COL25A1: variants seen among roughly 807,000 people sequenced by gnomAD.
COL25A1 encodes the protein collagen alpha-1(XXV) chain.
COL25A1 carries 103 observed loss-of-function variants against 128.4 expected under a neutral mutation model. That is an observed-to-expected ratio of 0.80 (90% CI 0.68 to 0.94). The LOEUF is 0.94. Among genes scored for constraint, COL25A1 ranks in the 40% least tolerant of loss-of-function variants. COL25A1 has a pLI of 0.00. For missense variants in COL25A1, 745 were observed against 840.0 expected (o/e 0.89, Z 1.40); for synonymous variants, 279 against 277.2 (o/e 1.01, Z -0.06).
At chr4:109,283,332 G>C (rs1216687429) in intron 3 of COL25A1, among the ~76,000 whole-genome samples, 5 of 152,036 alleles carry the variant, frequency 3.3e-5, no homozygotes, top group Admixed American at 6.6e-5. Context: ...ATATAACCTC[G>C]AACTTCTGGG....
intron 36 of COL25A1, among the ~76,000 whole-genome samples, chr4:108,818,709 C>G (rs1035244104): frequency 2.6e-5 from 4 of 152,110 alleles, no homozygotes; most frequent in Non-Finnish European, 5.9e-5. Context: ...CTTTTATCAT[C>G]TTTAGAAGCT....
At chr4:108,961,695 T>C (rs1467983856) in intron 8 of COL25A1, among the ~76,000 whole-genome samples, 2 of 152,056 alleles carry the variant, frequency 1.3e-5, no homozygotes, top group African/African-American at 4.8e-5. Flanking sequence ...CATTCTGTAC[T>C]TCCTACCTCA....
At chr4:109,000,769 G>GC (rs374031508) in intron 6 of COL25A1, among the ~76,000 whole-genome samples, 3,175 of 53,434 alleles carry the variant, frequency 0.059, 35 homozygotes, top group East Asian at 0.19. Flanking sequence ...AAAAAAAAAA[G>GC]AAAAAACTAT....
At chr4:109,188,011 G>A (rs1396180144) in intron 3 of COL25A1, among the ~76,000 whole-genome samples, 1 of 152,178 alleles carries the variant, frequency 6.6e-6, no homozygotes, top group Admixed American at 6.5e-5. Flanking sequence ...AATGAAAAGT[G>A]AGAGTAAGGG....
intron 3 of COL25A1, among the ~76,000 whole-genome samples, chr4:109,195,205 C>G (rs953121882): frequency 1.5e-4 from 23 of 152,150 alleles, no homozygotes; most frequent in African/African-American, 5.6e-4. Flanking sequence ...CAGGCCTAGC[C>G]CACTGGTCCC....
At chr4:109,155,242 T>G (rs890429168) in intron 3 of COL25A1, among the ~76,000 whole-genome samples, 12 of 152,296 alleles carry the variant, frequency 7.9e-5, no homozygotes, top group African/African-American at 2.9e-4. Flanking sequence ...ACAAGAACGC[T>G]ACAGACCCAA....
chr4:109,161,678 T>C (rs1408885780), intron 3 of COL25A1, among the ~76,000 whole-genome samples: 1 of 152,220 alleles, frequency 6.6e-6, no homozygotes, highest in African/African-American at 2.4e-5. Context: ...GTTTAAACTC[T>C]GGAAGTTATA....
intron 6 of COL25A1, among the ~76,000 whole-genome samples, chr4:108,995,333 A>C (rs1187855118): frequency 6.6e-6 from 1 of 152,240 alleles, no homozygotes; most frequent in African/African-American, 2.4e-5. Context: ...CACAAGCTTC[A>C]ATAGTCGATT....
At chr4:108,974,306 A>C (rs1419562268) in intron 8 of COL25A1, 61 bp downstream of exon 8, 4 of 1,573,036 alleles carry the variant, frequency 2.5e-6, no homozygotes, top group Admixed American at 1.7e-5. Context: ...GGGTACTTTC[A>C]TTCAATAAAC....
At chr4:109,252,389 T>G (rs910846775) in intron 3 of COL25A1, among the ~76,000 whole-genome samples, 2 of 152,196 alleles carry the variant, frequency 1.3e-5, no homozygotes, top group Non-Finnish European at 2.9e-5. Flanking sequence ...TGAGCCCATG[T>G]ATAACCTCCA....
At chr4:109,226,706 T>G (rs900908448) in intron 3 of COL25A1, among the ~76,000 whole-genome samples, 2 of 152,148 alleles carry the variant, frequency 1.3e-5, no homozygotes, top group South Asian at 4.1e-4. Flanking sequence ...GGGAACAAAA[T>G]AATTAAAAAA....
intron 5 of COL25A1, among the ~76,000 whole-genome samples, chr4:109,041,733 A>G (rs879595303): frequency 1.3e-5 from 2 of 152,058 alleles, no homozygotes; most frequent in Admixed American, 1.3e-4. Flanking sequence ...TAAACTTCCA[A>G]TAATGGTCAA....
chr4:109,228,596 T>C (rs1578494586), intron 3 of COL25A1, among the ~76,000 whole-genome samples: 1 of 152,186 alleles, frequency 6.6e-6, no homozygotes, highest in African/African-American at 2.4e-5. Context: ...TTTTAATCTG[T>C]TGGAATCTCA....
At position 109,101,321 on chromosome 4, in the gene COL25A1, G is replaced by C. The variant is rs191434111; in HGVS notation, c.368-51142C>G. 7.9e-5 allele frequency among the ~76,000 whole-genome samples: 12 copies of C among 152,258 alleles called. No homozygotes were observed. In the East Asian group the frequency reaches 2.1e-3, roughly 27 times the overall value. The stretch of plus-strand genomic sequence containing the variant: ...TAAGGCTGAGCCCTCGGTGACTGCA[G>C]GTGAGAAAAAAGTGAGGACAGTGGA... On this transcript the variant is annotated intron_variant, in intron 3 of 37. Transcript: ENST00000399132.
chr4:109,146,562 G>A (rs1770960967), intron 3 of COL25A1, among the ~76,000 whole-genome samples: 1 of 152,198 alleles, frequency 6.6e-6, no homozygotes, highest in Admixed American at 6.5e-5. Context: ...GGAGTAATTT[G>A]CCAATTAGAA....
At chr4:108,924,621 C>G (rs548994102) in intron 11 of COL25A1, among the ~76,000 whole-genome samples, 1 of 152,286 alleles carries the variant, frequency 6.6e-6, no homozygotes, top group African/African-American at 2.4e-5. Context: ...TTCTTGCTCC[C>G]TTAGCTAACG....
chr4:108,909,175 C>T (rs949925763), intron 13 of COL25A1, among the ~76,000 whole-genome samples: 53 of 152,164 alleles, frequency 3.5e-4, no homozygotes, highest in Admixed American at 3.3e-3. Flanking sequence ...ACTAGTTCAA[C>T]CTACGCCCAG....
chr4:108,974,066 G>T (rs1467773196), intron 8 of COL25A1, among the ~76,000 whole-genome samples: 2 of 152,188 alleles, frequency 1.3e-5, no homozygotes, highest in African/African-American at 4.8e-5. Flanking sequence ...ATGCAAATCT[G>T]AAGGACTCAA....
At chr4:109,064,214 T>C (rs1002701383) in intron 3 of COL25A1, among the ~76,000 whole-genome samples, 1 of 152,222 alleles carries the variant, frequency 6.6e-6, no homozygotes, top group African/African-American at 2.4e-5. Context: ...ACCTTGGACC[T>C]TGGAAACAGT....
Sources: gnomAD v4.1 joint callset for allele counts (sites outside exome capture counted in the v4.1 genomes callset) on GRCh38, gnomAD v4.1.1 for gene constraint, MANE v1.5 for transcripts, NCBI Gene and HGNC (gene_info 2026-07-23, HGNC 2026-07-21) for gene names.